The following R3HDM2 variants were observed in gnomAD, a reference collection of about 807,000 sequenced individuals.
The protein encoded by R3HDM2 is R3H domain containing 2.
In R3HDM2, 38 loss-of-function variants were observed where a neutral mutation model predicts 124.5. The ratio of observed to expected loss-of-function variants is 0.31; its 90% confidence interval spans 0.24 to 0.40. The LOEUF (loss-of-function observed/expected upper bound fraction) is 0.40. Ranked by LOEUF, R3HDM2 falls within the 10% of genes least tolerant of loss-of-function variation. The pLI, the probability that R3HDM2 is intolerant of heterozygous loss-of-function variation, is 1.00. For missense variants in R3HDM2, 869 were observed against 1,236.9 expected (o/e 0.70, Z 4.46); for synonymous variants, 391 against 448.0 (o/e 0.87, Z 1.61).
At chr12:57,381,977 G>A (rs2064955202) in intron 2 of R3HDM2, among the ~76,000 whole-genome samples, 1 of 151,460 alleles carries the variant, frequency 6.6e-6, no homozygotes, top group African/African-American at 2.4e-5. Flanking sequence ...CACCATGCCT[G>A]GCTAATTTTT....
At chr12:57,397,058 A>G (rs1594460229) in intron 1 of R3HDM2, among the ~76,000 whole-genome samples, 1 of 152,062 alleles carries the variant, frequency 6.6e-6, no homozygotes, top group Non-Finnish European at 1.5e-5. Flanking sequence ...ACACCATTGC[A>G]CTCCAGCCTG....
intron 16 of R3HDM2, 42 bp from the exon 17 acceptor site, chr12:57,269,124 T>C (rs1257564987): frequency 9.3e-6 from 15 of 1,606,600 alleles, no homozygotes; most frequent in Non-Finnish European, 1.2e-5. Context: ...TATGAATGTT[T>C]AGGAGGTCAC....
intron 2 of R3HDM2, among the ~76,000 whole-genome samples, chr12:57,354,888 GA>G (rs1306220566): frequency 2.0e-5 from 3 of 151,866 alleles, no homozygotes; most frequent in African/African-American, 7.2e-5. Context: ...GCAGTGGGAT[GA>G]TCACAGCTCA....
intron 2 of R3HDM2, among the ~76,000 whole-genome samples, chr12:57,385,694 A>C (rs982437791): frequency 1.4e-5 from 2 of 141,668 alleles, no homozygotes; most frequent in Non-Finnish European, 3.1e-5. Context: ...CCCCGTCTTC[A>C]AAAAAAAAAA....
chr12:57,367,935 T>G (rs1279418268), intron 2 of R3HDM2, among the ~76,000 whole-genome samples: 1 of 152,088 alleles, frequency 6.6e-6, no homozygotes, highest in Non-Finnish European at 1.5e-5. Context: ...TTTCATTAAA[T>G]ATATTTATTT....
chr12:57,283,910 C>A lies in R3HDM2; in HGVS notation c.1085G>T (p.Ser362Ile). ...RSMRPPVTKA[S>I]SFSGISILTR... ...AAGGATAGAGATTCCACTGAAGCTG[C>A]TAGCTTTGGTGACAGGGGGTCGCAT... The change falls in exon 13 of 24, where the codon AGC (serine) becomes ATC (isoleucine). Residue 362 changes from serine to isoleucine, a missense_variant. Around this residue, in one of 2 missense-constraint regions of R3HDM2, gnomAD observed 267 missense variants for 447.7 expected, o/e 0.60. Coordinates refer to ENST00000402412, the MANE Select transcript of R3HDM2 (RefSeq NM_001394031.1). 6.2e-7 allele frequency: 1 copy of A among 1,614,170 alleles called. No individual in the cohort carries two copies.
At chr12:57,297,065 C>T in intron 8 of R3HDM2, 1 of 333,972 alleles carries the variant, frequency 3.0e-6, no homozygotes, top group Non-Finnish European at 5.5e-6. Context: ...AAAAAGACTA[C>T]TTATTAAGCC....
chr12:57,281,630 C>T (rs1281826926), intron 13 of R3HDM2, among the ~76,000 whole-genome samples: 2 of 151,998 alleles, frequency 1.3e-5, no homozygotes, highest in South Asian at 2.1e-4. Context: ...GGATTACAGG[C>T]ACCCACCACC....
intron 1 of R3HDM2, among the ~76,000 whole-genome samples, chr12:57,416,518 GCA>G (rs2069621287): frequency 6.6e-6 from 1 of 152,100 alleles, no homozygotes; most frequent in African/African-American, 2.4e-5. Flanking sequence ...AGGGTTAAAA[GCA>G]CAGACTTCAG....
In R3HDM2 at chr12:57,254,195, A is replaced by T. The variant is rs1026508143; in HGVS notation, c.*578T>A. The T allele has an allele frequency of 9.4e-5, 43 of 455,922 alleles. No homozygotes were observed. The highest frequency in any genetic ancestry group is 1.7e-4 in the Non-Finnish European group (39 of 226,722). 28.2% of individuals were successfully genotyped at this position (455,922 alleles called of 1,614,324 possible). On this transcript the variant is annotated 3_prime_UTR_variant, in exon 24 of 24. Transcript: ENST00000402412. Reference sequence around the variant, plus strand: ...AATTTTATGATAGGAGAAGAGATTTAAAAAAATGATAGAAGAGGATGGAAG... The same window carrying T: ...AATTTTATGATAGGAGAAGAGATTTTAAAAAATGATAGAAGAGGATGGAAG...
chr12:57,275,773 C>T (rs1012856798), intron 14 of R3HDM2, among the ~76,000 whole-genome samples: 4 of 152,146 alleles, frequency 2.6e-5, no homozygotes, highest in African/African-American at 7.2e-5. Flanking sequence ...CAATGTGATA[C>T]CACCTTACTC....
At chr12:57,427,379 T>G (rs1275267411) in intron 1 of R3HDM2, among the ~76,000 whole-genome samples, 1 of 145,712 alleles carries the variant, frequency 6.9e-6, no homozygotes, top group Non-Finnish European at 1.5e-5. Context: ...AGACAAAGTC[T>G]CAGTCTGTTG....
intron 2 of R3HDM2, among the ~76,000 whole-genome samples, chr12:57,387,765 T>C (rs1594319019): frequency 6.6e-6 from 1 of 152,122 alleles, no homozygotes; most frequent in African/African-American, 2.4e-5. Context: ...ATAATAAATA[T>C]GTTATGCCCA....
intron 2 of R3HDM2, among the ~76,000 whole-genome samples, chr12:57,380,778 G>C (rs1054956240): frequency 6.6e-6 from 1 of 151,696 alleles, no homozygotes; most frequent in African/African-American, 2.4e-5. Context: ...TAAAAAAAAA[G>C]ACACAAAAGC....
At chr12:57,407,056 C>G (rs531981125) in intron 1 of R3HDM2, among the ~76,000 whole-genome samples, 2 of 152,140 alleles carry the variant, frequency 1.3e-5, no homozygotes, top group East Asian at 3.9e-4. Context: ...CGAGACCAGC[C>G]TGGCCAACAT....
chr12:57,263,366 C>A (rs932496339), intron 19 of R3HDM2, among the ~76,000 whole-genome samples: 1 of 152,188 alleles, frequency 6.6e-6, no homozygotes, highest in African/African-American at 2.4e-5. Flanking sequence ...AGGCCAAGTG[C>A]CCCTGGCAGA....
chr12:57,258,968 C>T lies in R3HDM2; in HGVS notation c.2223G>A (p.Trp741Ter). The change falls in exon 20 of 24, where the codon TGG (tryptophan) becomes TGA (stop). Residue 741 changes from tryptophan to a stop codon, truncating the protein, a stop_gained. Coordinates refer to ENST00000402412, the MANE Select transcript of R3HDM2 (RefSeq NM_001394031.1). LOFTEE classifies it high-confidence loss of function. Reference sequence around the variant, plus strand: ...CCATGCTGTAGTATTTACAATGACTCCACTGGACCATGGATGGGTTCTGAG... The same window carrying T: ...CCATGCTGTAGTATTTACAATGACTTCACTGGACCATGGATGGGTTCTGAG... ...QPPQNPSMVQ[W>*]SHCKYYSMDQ... 6.2e-7 allele frequency: 1 copy of T among 1,613,034 alleles called. No individual in the cohort carries two copies. The highest frequency in any genetic ancestry group is 8.5e-7 in the Non-Finnish European group (1 of 1,179,960).
chr12:57,289,315 G>C (rs938202664), intron 11 of R3HDM2, among the ~76,000 whole-genome samples: 2 of 152,196 alleles, frequency 1.3e-5, no homozygotes, highest in East Asian at 3.8e-4. Flanking sequence ...GGAGGAAGAG[G>C]AAAGTATTAA....
chr12:57,268,297 C>A lies in R3HDM2; in HGVS notation c.2030+6G>T. On this transcript the variant is annotated splice_donor_region_variant and intron_variant, in intron 18 of 23. Transcript: ENST00000402412. ...TGTCCTGTCCTGGCTCTCTGGGAGT[C>A]CTCACCTCGTACCGTTCTGCTGAGC... 1.2e-6 allele frequency: 2 copies of A among 1,612,510 alleles called. No individual in the cohort carries two copies. Among genetic ancestry groups the A allele is most frequent in the Non-Finnish European group, 1.7e-6 (2 of 1,179,142 alleles).
Sources: allele counts gnomAD v4.1 joint callset (sites outside exome capture counted in the v4.1 genomes callset), GRCh38; gene constraint gnomAD v4.1.1; regional missense constraint gnomAD v4.1.1; transcripts MANE v1.5; gene names NCBI Gene and HGNC (gene_info 2026-07-23, HGNC 2026-07-21).